ARHGAP15: variants seen among roughly 807,000 people sequenced by gnomAD.
ARHGAP15 encodes rho GTPase-activating protein 15.
ARHGAP15 carries 51 observed loss-of-function variants against 63.7 expected under a neutral mutation model. That is an observed-to-expected ratio of 0.80 (90% CI 0.64 to 1.01). ARHGAP15 has a LOEUF of 1.01. Among genes scored for constraint, ARHGAP15 ranks in the 50% least tolerant of loss-of-function variants. The pLI, the probability that ARHGAP15 is intolerant of heterozygous loss-of-function variation, is 0.00. For synonymous variants in ARHGAP15, 191 were observed against 193.8 expected, an observed-to-expected ratio of 0.99 and a Z score of 0.12; for missense variants, 560 against 564.6, an observed-to-expected ratio of 0.99 and a Z score of 0.08.
intron 9 of ARHGAP15, among the ~76,000 whole-genome samples, chr2:143,516,454 A>G (rs1219767758): frequency 6.6e-6 from 1 of 152,172 alleles, no homozygotes; most frequent in Non-Finnish European, 1.5e-5. Flanking sequence ...ACCTCATACT[A>G]AAGGACATTT....
At chr2:143,281,613 T>C (rs1197564582) in intron 6 of ARHGAP15, among the ~76,000 whole-genome samples, 1 of 152,096 alleles carries the variant, frequency 6.6e-6, no homozygotes, top group African/African-American at 2.4e-5. Context: ...ATCTCTCAGA[T>C]GTTATAATGA....
intron 1 of ARHGAP15, among the ~76,000 whole-genome samples, chr2:143,130,436 C>T (rs1688876046): frequency 6.6e-6 from 1 of 152,048 alleles, no homozygotes; most frequent in African/African-American, 2.4e-5. Context: ...ATCCATTCTT[C>T]CCTAATATTA....
intron 12 of ARHGAP15, among the ~76,000 whole-genome samples, chr2:143,664,247 C>A (rs1682018433): frequency 6.6e-6 from 1 of 152,128 alleles, no homozygotes; most frequent in Non-Finnish European, 1.5e-5. Context: ...CAAACTAGAA[C>A]TCAGGATTAG....
chr2:143,423,474 A>AT (rs1158217510), intron 6 of ARHGAP15, among the ~76,000 whole-genome samples: 2 of 152,140 alleles, frequency 1.3e-5, no homozygotes, highest in African/African-American at 4.8e-5. Flanking sequence ...ACTTGGCTGA[A>AT]TGCAGGGACA....
At chr2:143,484,548 TAATAAA>T (rs963093186) in intron 8 of ARHGAP15, among the ~76,000 whole-genome samples, 41 of 151,958 alleles carry the variant, frequency 2.7e-4, no homozygotes, top group African/African-American at 9.6e-4. Context: ...AATGAATAAA[TAATAAA>T]AATAAAAATA....
At chr2:143,185,967 C>T (rs902323942) in intron 2 of ARHGAP15, among the ~76,000 whole-genome samples, 17 of 152,238 alleles carry the variant, frequency 1.1e-4, no homozygotes, top group African/African-American at 3.9e-4. Context: ...AAATAAACCC[C>T]CACCAAATTC....
chr2:143,448,976 C>T (rs1483814435), intron 8 of ARHGAP15, among the ~76,000 whole-genome samples: 3 of 151,986 alleles, frequency 2.0e-5, no homozygotes, highest in African/African-American at 7.2e-5. Flanking sequence ...GCTATCTTGT[C>T]GGCCTTTGTG....
intron 6 of ARHGAP15, among the ~76,000 whole-genome samples, chr2:143,377,793 A>G (rs1686882276): frequency 6.6e-6 from 1 of 152,112 alleles, no homozygotes; most frequent in Non-Finnish European, 1.5e-5. Context: ...TTGAGTATAC[A>G]TCAGTTTAAG....
chr2:143,516,806 A>G (rs1438894924), intron 9 of ARHGAP15, among the ~76,000 whole-genome samples: 1 of 152,222 alleles, frequency 6.6e-6, no homozygotes, highest in Non-Finnish European at 1.5e-5. Flanking sequence ...TGAACAAGTC[A>G]TTGTTACTTG....
chr2:143,327,750 C>T (rs1225428223), intron 6 of ARHGAP15, among the ~76,000 whole-genome samples: 1 of 152,026 alleles, frequency 6.6e-6, no homozygotes, highest in Non-Finnish European at 1.5e-5. Context: ...AGCCAAAATT[C>T]ACAAATGTGA....
chr2:143,538,591 G>C (rs553837247), intron 10 of ARHGAP15, among the ~76,000 whole-genome samples: 49 of 152,144 alleles, frequency 3.2e-4, no homozygotes, highest in African/African-American at 4.8e-4. Flanking sequence ...TAGCATGAAG[G>C]GTTGTTGAAT....
intron 6 of ARHGAP15, among the ~76,000 whole-genome samples, chr2:143,273,643 T>A (rs999214749): frequency 3.9e-5 from 6 of 152,278 alleles, no homozygotes; most frequent in Non-Finnish European, 8.8e-5. Flanking sequence ...CATGACATTT[T>A]AAAAAATATT....
At chr2:143,339,776 A>G (rs1684972699) in intron 6 of ARHGAP15, among the ~76,000 whole-genome samples, 1 of 152,194 alleles carries the variant, frequency 6.6e-6, no homozygotes, top group Non-Finnish European at 1.5e-5. Context: ...TGTTCACATA[A>G]AATAGCACAC....
At chr2:143,610,721 AT>A (rs992236989) in intron 11 of ARHGAP15, among the ~76,000 whole-genome samples, 4 of 77,270 alleles carry the variant, frequency 5.2e-5, no homozygotes, top group African/African-American at 2.2e-4. Context: ...TGTTCAGTGT[AT>A]TTATTTATTT....
intron 6 of ARHGAP15, among the ~76,000 whole-genome samples, chr2:143,259,469 G>A (rs895295253): frequency 1.3e-5 from 2 of 152,122 alleles, no homozygotes; most frequent in Non-Finnish European, 2.9e-5. Flanking sequence ...GAGCAAATTT[G>A]TCCTTTTACT....
chr2:143,544,951 T>G (rs1419288671), intron 10 of ARHGAP15, among the ~76,000 whole-genome samples: 1 of 152,222 alleles, frequency 6.6e-6, no homozygotes, highest in Non-Finnish European at 1.5e-5. Context: ...AGCTCAAATG[T>G]CTCAGCTTCA....
chr2:143,265,950 A>G (rs1680968299), intron 6 of ARHGAP15, among the ~76,000 whole-genome samples: 1 of 152,094 alleles, frequency 6.6e-6, no homozygotes, highest in African/African-American at 2.4e-5. Flanking sequence ...TTCTAAATCT[A>G]TTTTAGGTTA....
At chr2:143,292,969 T>A (rs1682473391) in intron 6 of ARHGAP15, among the ~76,000 whole-genome samples, 1 of 152,046 alleles carries the variant, frequency 6.6e-6, no homozygotes, top group Admixed American at 6.6e-5. Context: ...TGTAATCAGT[T>A]TTCTTCGAAC....
At chr2:143,642,747 G>A (rs892825200) in intron 12 of ARHGAP15, among the ~76,000 whole-genome samples, 9 of 152,106 alleles carry the variant, frequency 5.9e-5, no homozygotes, top group African/African-American at 2.2e-4. Context: ...TGCAGTGTTT[G>A]GGAGGCCTTC....
Sources: gnomAD v4.1 joint callset for allele counts (sites outside exome capture counted in the v4.1 genomes callset) on GRCh38, gnomAD v4.1.1 for gene constraint, MANE v1.5 for transcripts, NCBI Gene and HGNC (gene_info 2026-07-23, HGNC 2026-07-21) for gene names.